CHD6: variants seen among roughly 807,000 people sequenced by gnomAD.
The protein encoded by CHD6 is ATP-dependent chromatin remodeler CHD6.
A neutral mutation model predicts 276.9 loss-of-function variants in CHD6; 50 were observed. The observed-to-expected ratio is 0.18, with a 90% CI of 0.14 to 0.23. The LOEUF (loss-of-function observed/expected upper bound fraction) is 0.23, where lower values mean the gene tolerates loss of function less well. Ranked by LOEUF, CHD6 falls within the 10% of genes least tolerant of loss-of-function variation. The probability of loss-of-function intolerance (pLI) is 1.00; values close to 1 mark genes in which losing one functional copy is unlikely to be tolerated. For synonymous variants in CHD6, 1,173 were observed against 1,229.3 expected, an observed-to-expected ratio of 0.95 and a Z score of 0.96; for missense variants, 2,564 against 3,365.8, an observed-to-expected ratio of 0.76 and a Z score of 5.89.
At chr20:41,579,437 C>CAAAAAAAAAAAAAAAAAA (rs574347177) in intron 1 of CHD6, among the ~76,000 whole-genome samples, 1 of 69,974 alleles carries the variant, frequency 1.4e-5, no homozygotes, top group African/African-American at 6.2e-5. Flanking sequence ...GACTCTGTCT[C>CAAAAAAAAAAAAAAAAAA]AAAAAAAAAA....
chr20:41,484,110 A>T (rs2043357744), intron 15 of CHD6, among the ~76,000 whole-genome samples: 1 of 152,214 alleles, frequency 6.6e-6, no homozygotes, highest in Admixed American at 6.5e-5. Context: ...GGCAGAGTAC[A>T]TGCTGTGAGG....
intron 1 of CHD6, among the ~76,000 whole-genome samples, chr20:41,569,347 T>C (rs1430836243): frequency 6.6e-6 from 1 of 152,232 alleles, no homozygotes; most frequent in African/African-American, 2.4e-5. Flanking sequence ...TTCATTTAAT[T>C]TGCCTACAAA....
At chr20:41,557,290 A>G (rs1301475810) in intron 1 of CHD6, among the ~76,000 whole-genome samples, 3 of 152,260 alleles carry the variant, frequency 2.0e-5, no homozygotes, top group Non-Finnish European at 4.4e-5. Flanking sequence ...GTAAGCTGCT[A>G]ATGATGTGAA....
At chr20:41,578,567 C>T (rs922598094) in intron 1 of CHD6, among the ~76,000 whole-genome samples, 1 of 151,876 alleles carries the variant, frequency 6.6e-6, no homozygotes, top group Non-Finnish European at 1.5e-5. Context: ...ATAATCCCAG[C>T]TACTCGGGAG....
chr20:41,534,578 G>T (rs1601105765), intron 2 of CHD6, among the ~76,000 whole-genome samples: 1 of 151,658 alleles, frequency 6.6e-6, no homozygotes, highest in Non-Finnish European at 1.5e-5. Context: ...AAAGATTTTT[G>T]GGGGGGCGGG....
At chr20:41,483,194 T>G (rs549433209) in intron 16 of CHD6, 115 bp downstream of exon 16, 2 of 888,170 alleles carry the variant, frequency 2.3e-6, no homozygotes, top group Admixed American at 3.2e-5. Flanking sequence ...AGGAGATTCC[T>G]TTCCTCCGTT....
rs550122767 is a variant in CHD6 at position 41,443,962 on chromosome 20, A to C, written c.3877+1703T>G. Reference sequence around the variant, plus strand: ...GGGTGGGGGAGGAAGAAGTAGCAGCATGTAAATTCTACCTGCCATACTTCT... The same window carrying C: ...GGGTGGGGGAGGAAGAAGTAGCAGCCTGTAAATTCTACCTGCCATACTTCT... On this transcript the variant is annotated intron_variant, in intron 25 of 36. Coordinates refer to ENST00000373233, the MANE Select transcript of CHD6 (RefSeq NM_032221.5). 3.1e-4 allele frequency among the ~76,000 whole-genome samples: 47 copies of C among 152,308 alleles called. No homozygotes were observed. The South Asian group carries it at 9.7e-3, about 32-fold the overall frequency.
chr20:41,605,072 AT>A (rs1005819747), intron 1 of CHD6, among the ~76,000 whole-genome samples: 4 of 152,178 alleles, frequency 2.6e-5, no homozygotes, highest in African/African-American at 9.7e-5. Context: ...CTTAGGATAA[AT>A]ATGTAAAGTA....
intron 1 of CHD6, among the ~76,000 whole-genome samples, chr20:41,598,829 G>A (rs2045745372): frequency 1.3e-5 from 2 of 152,120 alleles, no homozygotes; most frequent in Non-Finnish European, 2.9e-5. Flanking sequence ...TACTGTGGTG[G>A]ACCACTATTG....
chr20:41,445,564 T>TA (rs1241395757), intron 25 of CHD6, 101 bp downstream of exon 25: 5 of 694,204 alleles, frequency 7.2e-6, no homozygotes, highest in Admixed American at 4.7e-5. Flanking sequence ...AACAGAATGA[T>TA]AGAGTTTTGC....
chr20:41,490,828 T>TAA (rs963016409), intron 11 of CHD6, among the ~76,000 whole-genome samples: 3 of 151,372 alleles, frequency 2.0e-5, no homozygotes, highest in African/African-American at 7.3e-5. Flanking sequence ...AAATAAAAAA[T>TAA]AAAAAAATAA....
chr20:41,518,300 G>A (rs6129858), intron 3 of CHD6, among the ~76,000 whole-genome samples: 55,796 of 152,060 alleles, frequency 0.37, 12,954 homozygotes, highest in African/African-American at 0.64. Context: ...GTGCGTGCGC[G>A]CGTGCCCACA....
rs1014847339 is a variant in CHD6, at chr20:41,473,198, G to A, written c.2664+124C>T. 2.4e-6 allele frequency: 2 copies of A among 847,800 alleles called. No individual in the cohort carries two copies. Among genetic ancestry groups the A allele is most frequent in the Non-Finnish European group, 3.6e-6 (2 of 553,610 alleles). 52.5% of individuals were successfully genotyped at this position (847,800 alleles called of 1,614,324 possible). ...TTTCACCCCCTGACCAAGGCCCTAA[G>A]CCTGTCATCCAGCTGACACCATAGC... On this transcript the variant is annotated intron_variant, in intron 17 of 36. Transcript: ENST00000373233. The surrounding 1 kb of genome is among the most constrained non-coding windows in gnomAD (Gnocchi z 4.1).
At chr20:41,561,475 C>T (rs577690689) in intron 1 of CHD6, among the ~76,000 whole-genome samples, 26 of 152,298 alleles carry the variant, frequency 1.7e-4, no homozygotes, top group African/African-American at 6.3e-4. Context: ...GTAGAGTCCT[C>T]CATCAGGAGT....
chr20:41,462,870 T>C lies in CHD6; in HGVS notation c.2665-5442A>G, dbSNP rs371087079. 1.2e-4 allele frequency among the ~76,000 whole-genome samples: 18 copies of C among 152,214 alleles called. No homozygotes were observed. In the East Asian group the frequency reaches 3.1e-3, roughly 26 times the overall value. ...CTGAGAGGGCCTAGAAGAAACATCA[T>C]TGCAGTAGCAATGAACACACCCAAC... On this transcript the variant is annotated intron_variant, in intron 17 of 36. Transcript: ENST00000373233.
At position 41,415,506 on chromosome 20, in the gene CHD6, T is replaced by A; in HGVS notation, c.6619A>T (p.Ile2207Phe). Residue 2207 changes from isoleucine to phenylalanine, a missense_variant, in exon 34 of 37, where the codon ATC becomes TTC. Ile to Phe is a conservative substitution (Grantham distance 21). Transcript: ENST00000373233. ...FSATHGHTPI[I>F]LNGWHGESAM... is the part of the protein sequence containing the mutation. ...GACTCCCCATGCCAGCCATTGAGGA[T>A]GATAGGGGTGTGCCCGTGGGTGGCA... 6.2e-7 allele frequency: 1 copy of A among 1,614,008 alleles called. No individual in the cohort carries two copies. Among genetic ancestry groups the A allele is most frequent in the South Asian group, 1.1e-5 (1 of 91,040 alleles).
At chr20:41,493,406 GT>G in intron 10 of CHD6, 131 bp downstream of exon 10, 1 of 888,606 alleles carries the variant, frequency 1.1e-6, no homozygotes, top group Non-Finnish European at 1.7e-6. Flanking sequence ...TGAATTGAGG[GT>G]TCAATGAGAA....
intron 17 of CHD6, among the ~76,000 whole-genome samples, chr20:41,462,844 A>T (rs1569105959): frequency 6.6e-6 from 1 of 152,346 alleles, no homozygotes; most frequent in East Asian, 1.9e-4. Flanking sequence ...AGCTATGTCC[A>T]CTGAGAGGGC....
chr20:41,494,297 TAAC>T (rs2043624183), intron 8 of CHD6, among the ~76,000 whole-genome samples: 2 of 152,288 alleles, frequency 1.3e-5, no homozygotes, highest in South Asian at 4.1e-4. Context: ...TTTTTCTTAA[TAAC>T]AACAATAGTT....
Sources: allele counts gnomAD v4.1 joint callset (sites outside exome capture counted in the v4.1 genomes callset), GRCh38; gene constraint gnomAD v4.1.1; non-coding constraint Gnocchi (gnomAD v3.1); transcripts MANE v1.5; gene names NCBI Gene and HGNC (gene_info 2026-07-23, HGNC 2026-07-21).